TMPRSS15: variants seen among roughly 807,000 people sequenced by gnomAD.
TMPRSS15 encodes the protein enteropeptidase.
In TMPRSS15, 128 loss-of-function variants were observed where a neutral mutation model predicts 125.3. That is an observed-to-expected ratio of 1.02 (90% CI 0.89 to 1.18). The LOEUF is 1.18. Ranked by LOEUF, TMPRSS15 falls within the 50% of genes most tolerant of loss-of-function variation. TMPRSS15 has a pLI of 0.00. For synonymous variants in TMPRSS15, 446 were observed against 423.2 expected, an observed-to-expected ratio of 1.05 and a Z score of -0.66; for missense variants, 1,283 against 1,212.7, an observed-to-expected ratio of 1.06 and a Z score of -0.86.
chr21:18,413,921 T>C (rs1431353934), intron 1 of TMPRSS15, among the ~76,000 whole-genome samples: 1 of 152,188 alleles, frequency 6.6e-6, no homozygotes, highest in Non-Finnish European at 1.5e-5. Flanking sequence ...AGAGACAGGC[T>C]CATAATGCAC....
At chr21:18,456,523 A>C (rs1262248113) in intron 1 of TMPRSS15, among the ~76,000 whole-genome samples, 2 of 152,086 alleles carry the variant, frequency 1.3e-5, no homozygotes, top group African/African-American at 2.4e-5. Context: ...TTGAGACTAG[A>C]CCTGAAGAGG....
At chr21:18,372,171 G>A in intron 6 of TMPRSS15, 22 bp downstream of exon 6, 1 of 1,602,246 alleles carries the variant, frequency 6.2e-7, no homozygotes, top group East Asian at 2.3e-5. Context: ...CAGAAGGGGA[G>A]AGAGTAGGGG....
intron 1 of TMPRSS15, among the ~76,000 whole-genome samples, chr21:18,459,446 G>A (rs1978509654): frequency 6.6e-6 from 1 of 151,816 alleles, no homozygotes; most frequent in Non-Finnish European, 1.5e-5. Flanking sequence ...GCTAATTTTT[G>A]TATTTTTAGT....
intron 1 of TMPRSS15, among the ~76,000 whole-genome samples, chr21:18,418,167 A>G (rs754648730): frequency 3.3e-5 from 5 of 152,206 alleles, no homozygotes; most frequent in South Asian, 2.1e-4. Flanking sequence ...GCTCTCTCCT[A>G]TGGTTTCATT....
chr21:18,462,787 A>C (rs115917002), intron 1 of TMPRSS15, among the ~76,000 whole-genome samples: 148 of 152,148 alleles, frequency 9.7e-4, no homozygotes, highest in African/African-American at 3.5e-3. Context: ...AGGAAAAAAA[A>C]ATTTTAAGGG....
chr21:18,398,398 G>A, intron 1 of TMPRSS15, 69 bp from the exon 2 acceptor site: 1 of 1,524,452 alleles, frequency 6.6e-7, no homozygotes, highest in Non-Finnish European at 9.0e-7. Flanking sequence ...TGCACATTCT[G>A]TTAAGACATA....
chr21:18,341,936 T>C (rs2075450696), intron 12 of TMPRSS15, among the ~76,000 whole-genome samples: 1 of 152,194 alleles, frequency 6.6e-6, no homozygotes, highest in South Asian at 2.1e-4. Flanking sequence ...TCAGCAATAT[T>C]AAACATTCAG....
intron 21 of TMPRSS15, among the ~76,000 whole-genome samples, chr21:18,290,091 G>C (rs2074815720): frequency 6.6e-6 from 1 of 152,160 alleles, no homozygotes; most frequent in Non-Finnish European, 1.5e-5. Context: ...CCAGACTTCA[G>C]CAAATACATC....
intron 3 of TMPRSS15, among the ~76,000 whole-genome samples, chr21:18,386,269 A>T (rs2075943061): frequency 6.6e-6 from 1 of 152,140 alleles, no homozygotes; most frequent in Admixed American, 6.5e-5. Context: ...ACAGCTTATT[A>T]GTGTCAGAGA....
At chr21:18,358,032 T>C (rs538128388) in intron 8 of TMPRSS15, among the ~76,000 whole-genome samples, 1 of 151,934 alleles carries the variant, frequency 6.6e-6, no homozygotes, top group South Asian at 2.1e-4. Flanking sequence ...TACATATTCA[T>C]TGATGTTTTC....
chr21:18,427,502 A>G (rs572187983), intron 1 of TMPRSS15, among the ~76,000 whole-genome samples: 1 of 152,184 alleles, frequency 6.6e-6, no homozygotes, highest in Non-Finnish European at 1.5e-5. Flanking sequence ...TTTGTGAATA[A>G]AAAGCTATTT....
At chr21:18,473,716 A>T (rs1978823378) in intron 1 of TMPRSS15, among the ~76,000 whole-genome samples, 1 of 152,078 alleles carries the variant, frequency 6.6e-6, no homozygotes. Context: ...GCAACTGATA[A>T]TACCACCCAT....
chr21:18,343,485 A>T, intron 12 of TMPRSS15, 21 bp downstream of exon 12: 1 of 1,566,058 alleles, frequency 6.4e-7, no homozygotes, highest in Middle Eastern at 1.8e-4. Context: ...ACAAATATAA[A>T]TAATAAAGTA....
At chr21:18,442,929 G>C (rs1290045771) in intron 1 of TMPRSS15, among the ~76,000 whole-genome samples, 1 of 152,140 alleles carries the variant, frequency 6.6e-6, no homozygotes, top group Non-Finnish European at 1.5e-5. Flanking sequence ...ATCACCAAAG[G>C]TATTAGGAAG....
Position 18,379,394 on chromosome 21 carries a change from T to G in TMPRSS15, c.497-76A>C, listed in dbSNP as rs144361468. 4.9e-4 allele frequency: 301 copies of G among 620,194 alleles called. No homozygotes were observed. In the East Asian group the frequency reaches 5.1e-3, roughly 10 times the overall value. The allele number at this position is 620,194 out of a possible 1,614,324, so 38.4% of individuals were successfully genotyped here. A position where few individuals can be genotyped will look rare whatever the true frequency, so the allele number is the denominator to read the frequency against. On this transcript the variant is annotated intron_variant, in intron 4 of 24. Transcript: ENST00000284885. ...CCAGGAATTTATTGTATATTCATTC[T>G]GTATAATAATTAACCTAAGAATTTT... is the stretch of plus-strand genomic sequence containing the variant.
chr21:18,290,254 T>C (rs1176621744), intron 21 of TMPRSS15, among the ~76,000 whole-genome samples: 1 of 152,180 alleles, frequency 6.6e-6, no homozygotes, highest in Non-Finnish European at 1.5e-5. Flanking sequence ...TAGAGCTTTG[T>C]TCACTGTATA....
In TMPRSS15 at chr21:18,281,368, A is replaced by C; in HGVS notation, c.2487-147T>G. Reference sequence around the variant, plus strand: ...AGAATCATCCTTTAAAAATATTCTCAAATCTTTATTTTTCTGATCACAACA... The same window carrying C: ...AGAATCATCCTTTAAAAATATTCTCCAATCTTTATTTTTCTGATCACAACA... On this transcript the variant is annotated intron_variant, in intron 21 of 24. Transcript: ENST00000284885. The C allele has an allele frequency of 3.9e-6, 3 of 766,626 alleles. No individual in the cohort carries two copies. The South Asian group carries it at 4.9e-5, about 12-fold the overall frequency. 47.5% of individuals were successfully genotyped at this position (766,626 alleles called of 1,614,324 possible).
Position 18,338,734 on chromosome 21 carries a change from GAGAGAA to G in TMPRSS15, c.1564+2673_1564+2678del, listed in dbSNP as rs199660153. Reference sequence around the variant, plus strand: ...AGACAGACAGAGAGAGAGATAAAGAGAGAGAAAGAGAGAGAGAGGCTTAGTCTGTCT... The same window carrying G: ...AGACAGACAGAGAGAGAGATAAAGAGAGAGAGAGAGAGGCTTAGTCTGTCT... On this transcript the variant is annotated intron_variant, in intron 13 of 24. Transcript: ENST00000284885. Among the ~76,000 whole-genome samples the G allele has an allele frequency of 4.5e-4, 41 of 91,508 alleles. No individual in the cohort carries two copies. In the East Asian group the frequency reaches 9.7e-3, roughly 22 times the overall value. 60.0% of individuals were successfully genotyped at this position (91,508 alleles called of 152,430 possible). A position where few individuals can be genotyped will look rare whatever the true frequency, so the allele number is the denominator to read the frequency against.
At chr21:18,435,047 C>A (rs891582280) in intron 1 of TMPRSS15, among the ~76,000 whole-genome samples, 11 of 152,070 alleles carry the variant, frequency 7.2e-5, no homozygotes, top group African/African-American at 2.7e-4. Flanking sequence ...CCTTTTATTT[C>A]ACTTACTTGA....
Sources: allele counts gnomAD v4.1 joint callset (sites outside exome capture counted in the v4.1 genomes callset), GRCh38; gene constraint gnomAD v4.1.1; transcripts MANE v1.5; gene names NCBI Gene and HGNC (gene_info 2026-07-23, HGNC 2026-07-21).